The following DLGAP2 variants were observed in gnomAD, a reference collection of about 807,000 sequenced individuals.
The protein encoded by DLGAP2 is DLG associated protein 2.
DLGAP2 carries 26 observed loss-of-function variants against 100.3 expected under a neutral mutation model. The ratio of observed to expected loss-of-function variants is 0.26; its 90% CI spans 0.19 to 0.36. The LOEUF (loss-of-function observed/expected upper bound fraction) is 0.36, where lower values mean the gene tolerates loss of function less well. DLGAP2 is among the 10% of genes least tolerant of loss of function. The pLI, the probability that DLGAP2 is intolerant of heterozygous loss-of-function variation, is 1.00. For synonymous variants in DLGAP2, 886 were observed against 630.1 expected (o/e 1.41, Z -6.08); for missense variants, 1,858 against 1,453.2 (o/e 1.28, Z -4.53).
chr8:1,644,461 C>T (rs976994424), intron 8 of DLGAP2, among the ~76,000 whole-genome samples: 3 of 152,216 alleles, frequency 2.0e-5, no homozygotes, highest in Admixed American at 6.5e-5. Flanking sequence ...GCTCGTCGGC[C>T]CGCAGTTTCT....
At chr8:1,165,085 A>G (rs1277476422) in intron 2 of DLGAP2, among the ~76,000 whole-genome samples, 2 of 146,756 alleles carry the variant, frequency 1.4e-5, no homozygotes, top group African/African-American at 5.0e-5. Context: ...TCCAGATGAC[A>G]TGTTTCCTTC....
chr8:1,430,695 C>T (rs895745492), intron 3 of DLGAP2, among the ~76,000 whole-genome samples: 1 of 152,156 alleles, frequency 6.6e-6, no homozygotes, highest in African/African-American at 2.4e-5. Flanking sequence ...AAAAATTAAT[C>T]ATTTTAAGTA....
At chr8:1,166,800 C>T (rs187030411) in intron 2 of DLGAP2, among the ~76,000 whole-genome samples, 5 of 152,198 alleles carry the variant, frequency 3.3e-5, no homozygotes, top group Admixed American at 2.6e-4. Flanking sequence ...ACAATGGTCT[C>T]TGGTAAATGT....
At chr8:1,407,966 G>A (rs1180598071) in intron 3 of DLGAP2, among the ~76,000 whole-genome samples, 1 of 152,206 alleles carries the variant, frequency 6.6e-6, no homozygotes, top group Non-Finnish European at 1.5e-5. Flanking sequence ...TGGGGGTTGG[G>A]GTGGGCTGTC....
intron 2 of DLGAP2, among the ~76,000 whole-genome samples, chr8:938,425 G>A (rs549051874): frequency 6.6e-6 from 1 of 152,256 alleles, no homozygotes; most frequent in South Asian, 2.1e-4. Context: ...CTTGAGGTTG[G>A]ATCCAAGTTC....
At chr8:877,011 T>A (rs1797698218) in intron 1 of DLGAP2, among the ~76,000 whole-genome samples, 1 of 151,908 alleles carries the variant, frequency 6.6e-6, no homozygotes, top group African/African-American at 2.4e-5. Flanking sequence ...TTTTTTTTTT[T>A]TTATTTTTTG....
intron 3 of DLGAP2, among the ~76,000 whole-genome samples, chr8:1,426,972 T>C (rs1797255169): frequency 6.6e-6 from 1 of 152,174 alleles, no homozygotes; most frequent in Non-Finnish European, 1.5e-5. Flanking sequence ...ATATTGTGTC[T>C]TATTGACAAT....
chr8:1,211,355 G>A (rs907748229), intron 2 of DLGAP2, among the ~76,000 whole-genome samples: 7 of 152,198 alleles, frequency 4.6e-5, no homozygotes, highest in Non-Finnish European at 1.0e-4. Context: ...ACCAGCCAAC[G>A]ATCTTGTTTT....
At chr8:1,646,967 A>G (rs1449663561) in intron 8 of DLGAP2, among the ~76,000 whole-genome samples, 5 of 152,204 alleles carry the variant, frequency 3.3e-5, no homozygotes. Flanking sequence ...CACAGGGCAG[A>G]GGCAGAGGTG....
At chr8:1,536,662 T>C (rs1229403916) in intron 4 of DLGAP2, among the ~76,000 whole-genome samples, 1 of 152,222 alleles carries the variant, frequency 6.6e-6, no homozygotes, top group Non-Finnish European at 1.5e-5. Flanking sequence ...GCCAGCCCTG[T>C]CCTCAGGTGC....
chr8:1,690,703 CAA>C (rs71190752), intron 12 of DLGAP2, among the ~76,000 whole-genome samples: 163 of 62,072 alleles, frequency 2.6e-3, no homozygotes, highest in African/African-American at 6.2e-3. Flanking sequence ...GACCCTATCT[CAA>C]AAAAAAAAAA....
At chr8:1,683,068 G>A (rs926706742) in intron 12 of DLGAP2, among the ~76,000 whole-genome samples, 2 of 151,592 alleles carry the variant, frequency 1.3e-5, no homozygotes. Flanking sequence ...ATGCAACAAT[G>A]AGTAAGACAT....
At chr8:872,802 A>G (rs957686651) in intron 1 of DLGAP2, among the ~76,000 whole-genome samples, 2 of 152,192 alleles carry the variant, frequency 1.3e-5, no homozygotes, top group African/African-American at 4.8e-5. Context: ...GCCCTGCACT[A>G]TTTAGGCACC....
intron 3 of DLGAP2, among the ~76,000 whole-genome samples, chr8:1,370,699 G>A (rs986644306): frequency 2.6e-5 from 4 of 152,180 alleles, no homozygotes; most frequent in Non-Finnish European, 4.4e-5. Flanking sequence ...CCAGACAACC[G>A]CTCCACTCTT....
intron 4 of DLGAP2, among the ~76,000 whole-genome samples, chr8:1,537,532 T>A (rs1212880865): frequency 1.3e-5 from 2 of 152,144 alleles, no homozygotes; most frequent in African/African-American, 4.8e-5. Flanking sequence ...AAAAACCCCA[T>A]TCCAAGGACT....
At chr8:1,277,848 C>T (rs1469503741) in intron 3 of DLGAP2, among the ~76,000 whole-genome samples, 6 of 152,198 alleles carry the variant, frequency 3.9e-5, no homozygotes, top group African/African-American at 1.4e-4. Context: ...GGGGCAGTGA[C>T]TGCACAAGGA....
intron 5 of DLGAP2, among the ~76,000 whole-genome samples, chr8:1,559,366 A>G (rs1320253531): frequency 1.3e-5 from 2 of 152,184 alleles, no homozygotes; most frequent in Non-Finnish European, 2.9e-5. Context: ...GCTGTAACAT[A>G]ACGGAGAGAG....
At chr8:1,249,321 C>G (rs776320377) in intron 2 of DLGAP2, among the ~76,000 whole-genome samples, 1 of 152,178 alleles carries the variant, frequency 6.6e-6, no homozygotes, top group Non-Finnish European at 1.5e-5. Context: ...GCATGAGCGT[C>G]TCAGGGCCCC....
chr8:1,059,729 G>C (rs1258239491), intron 2 of DLGAP2, among the ~76,000 whole-genome samples: 2 of 152,156 alleles, frequency 1.3e-5, no homozygotes, highest in Non-Finnish European at 2.9e-5. Flanking sequence ...AAGGCTGAGG[G>C]GCGTGAGGCA....
Sources: gnomAD v4.1 joint callset for allele counts (sites outside exome capture counted in the v4.1 genomes callset) on GRCh38, gnomAD v4.1.1 for gene constraint, MANE v1.5 for transcripts, NCBI Gene and HGNC (gene_info 2026-07-23, HGNC 2026-07-21) for gene names.